COG3: variants seen among roughly 807,000 people sequenced by gnomAD.
COG3 encodes component of oligomeric golgi complex 3.
In COG3, 32 loss-of-function variants were observed where a neutral mutation model predicts 114.1. The observed-to-expected ratio is 0.28, with a 90% CI of 0.21 to 0.38. COG3 has a LOEUF of 0.38. COG3 is among the 10% of genes least tolerant of loss of function. The pLI is 1.00. For synonymous variants in COG3, 352 were observed against 365.7 expected (o/e 0.96, Z 0.43); for missense variants, 813 against 973.2 (o/e 0.84, Z 2.19).
chr13:45,517,584 A>T (rs1011880762), intron 17 of COG3, among the ~76,000 whole-genome samples: 1 of 150,370 alleles, frequency 6.7e-6, no homozygotes, highest in African/African-American at 2.5e-5. Context: ...TAGGAGCCAG[A>T]TACCCTGGCT....
At chr13:45,531,859 G>A (rs1041364337) in intron 22 of COG3, among the ~76,000 whole-genome samples, 19 of 152,200 alleles carry the variant, frequency 1.2e-4, no homozygotes, top group Middle Eastern at 3.4e-3. Context: ...GGTGGTAGCC[G>A]GAGGGAGAAA....
intron 19 of COG3, among the ~76,000 whole-genome samples, chr13:45,521,012 A>G (rs1872071547): frequency 6.6e-6 from 1 of 152,232 alleles, no homozygotes; most frequent in African/African-American, 2.4e-5. Flanking sequence ...TTGTTCTAGA[A>G]CAGCACAGTT....
Position 45,509,794 on chromosome 13 carries a change from C to G in COG3, c.1697C>G (p.Ser566Cys). 1 of 1,613,340 alleles carries G rather than the reference C, an allele frequency of 6.2e-7. No individual in the cohort carries two copies. The part of the protein sequence containing the change: ...PTVRRTLVCL[S>C]KLYRCIDRAV... Reference sequence around the variant, plus strand: ...GTTCGAAGAACTCTTGTCTGTCTCTCCAAATTATACAGATGCATAGATGTA... The same window carrying G: ...GTTCGAAGAACTCTTGTCTGTCTCTGCAAATTATACAGATGCATAGATGTA... Residue 566 changes from serine to cysteine, a missense_variant, in exon 15 of 23, where the codon TCC (serine) becomes TGC (cysteine). Around this residue, in one of 2 missense-constraint regions of COG3, gnomAD observed 389 missense variants for 542.6 expected, o/e 0.72. Coordinates refer to ENST00000349995, the MANE Select transcript of COG3 (RefSeq NM_031431.4).
intron 1 of COG3, among the ~76,000 whole-genome samples, chr13:45,469,952 A>C (rs1004021909): frequency 2.0e-5 from 3 of 152,180 alleles, no homozygotes; most frequent in African/African-American, 7.2e-5. Flanking sequence ...CTCAAATTAT[A>C]AACATTGGTA....
At chr13:45,488,316 T>C (rs1566249859) in intron 8 of COG3, among the ~76,000 whole-genome samples, 1 of 152,042 alleles carries the variant, frequency 6.6e-6, no homozygotes, top group Non-Finnish European at 1.5e-5. Flanking sequence ...AGTAGTGTAG[T>C]AGGATGACTG....
intron 7 of COG3, among the ~76,000 whole-genome samples, chr13:45,486,184 G>A (rs940059309): frequency 6.9e-5 from 10 of 144,640 alleles, no homozygotes; most frequent in Admixed American, 1.3e-4. Flanking sequence ...GCCTGCAATC[G>A]CAGGCATTCG....
intron 16 of COG3, 112 bp downstream of exon 16, chr13:45,511,966 C>A: frequency 1.3e-6 from 1 of 777,262 alleles, no homozygotes; most frequent in Non-Finnish European, 2.2e-6. Flanking sequence ...ATTTGTTTAA[C>A]ATGATTGAAT....
chr13:45,519,598 A>C (rs1232211519), intron 19 of COG3, among the ~76,000 whole-genome samples: 1 of 152,254 alleles, frequency 6.6e-6, no homozygotes, highest in African/African-American at 2.4e-5. Flanking sequence ...ATGTACAGTC[A>C]GTCCTCCTTC....
At chr13:45,496,087 T>G in intron 12 of COG3, 65 bp from the exon 13 acceptor site, 1 of 1,500,074 alleles carries the variant, frequency 6.7e-7, no homozygotes, top group Non-Finnish European at 9.1e-7. Context: ...AGTAACATCT[T>G]TGCTTGTTTA....
intron 20 of COG3, among the ~76,000 whole-genome samples, chr13:45,526,951 G>T (rs1480064702): frequency 1.3e-5 from 2 of 152,112 alleles, no homozygotes; most frequent in Non-Finnish European, 2.9e-5. Context: ...TTGACTCAAG[G>T]TTCCAATTGC....
Position 45,464,975 on chromosome 13 carries a change from C to T in COG3, c.-62C>T, listed in dbSNP as rs1458807802. 4.6e-6 allele frequency: 7 copies of T among 1,516,756 alleles called. No homozygotes were observed. Among genetic ancestry groups the T allele is most frequent in the Non-Finnish European group, 4.4e-6 (5 of 1,135,482 alleles). 94.0% of individuals were successfully genotyped at this position (1,516,756 alleles called of 1,614,324 possible). A position where few individuals can be genotyped will look rare whatever the true frequency, so the allele number is the denominator to read the frequency against. On this transcript the variant is annotated 5_prime_UTR_variant, in exon 1 of 23. Transcript: ENST00000349995. The stretch of plus-strand genomic sequence containing the variant: ...AGCTCCGGTTCTCCCGGAAGTGGCC[C>T]AGGTCTCTCTGTCGGGGTCCCCTCC...
chr13:45,534,276 A>G (rs1429555234), intron 22 of COG3, among the ~76,000 whole-genome samples: 2 of 152,202 alleles, frequency 1.3e-5, no homozygotes, highest in East Asian at 1.9e-4. Context: ...CAGTGTTTGT[A>G]TATAGTTTTT....
chr13:45,488,623 G>A (rs1399414985), intron 8 of COG3, among the ~76,000 whole-genome samples: 1 of 151,954 alleles, frequency 6.6e-6, no homozygotes, highest in Non-Finnish European at 1.5e-5. Flanking sequence ...GAGATTAGGG[G>A]GTGAATTAAT....
chr13:45,525,456 AT>A (rs1872570722), intron 20 of COG3, among the ~76,000 whole-genome samples: 1 of 152,016 alleles, frequency 6.6e-6, no homozygotes, highest in African/African-American at 2.4e-5. Context: ...TTTGTTCCAC[AT>A]TTTGTCCAAG....
chr13:45,491,725 C>T (rs535475050), intron 10 of COG3, among the ~76,000 whole-genome samples, 187 bp downstream of exon 10: 1 of 152,146 alleles, frequency 6.6e-6, no homozygotes, highest in South Asian at 2.1e-4. Flanking sequence ...TCATTTTTTA[C>T]TTATTTTTTG....
At chr13:45,496,921 C>T (rs1237507275) in intron 13 of COG3, among the ~76,000 whole-genome samples, 2 of 152,306 alleles carry the variant, frequency 1.3e-5, no homozygotes, top group East Asian at 3.9e-4. Context: ...GATCCGCCCG[C>T]CTCGGCCTCC....
Position 45,534,991 on chromosome 13 carries a change from A to G in COG3, c.*260A>G. ...CGTTTAAATGGTCACAAGAAATGTG[A>G]AGAGAGAGCTAGGGCAGACATGCAG... On this transcript the variant is annotated 3_prime_UTR_variant, in exon 23 of 23. Coordinates refer to ENST00000349995, the MANE Select transcript of COG3 (RefSeq NM_031431.4). The G allele has an allele frequency of 8.2e-7, 1 of 1,219,128 alleles. No homozygotes were observed. The highest frequency in any genetic ancestry group is 1.0e-6 in the Non-Finnish European group (1 of 980,560). The allele number at this position is 1,219,128 out of a possible 1,614,324, so 75.5% of individuals were successfully genotyped here. A position where few individuals can be genotyped will look rare whatever the true frequency, so the allele number is the denominator to read the frequency against.
At chr13:45,533,457 C>T (rs1321741587) in intron 22 of COG3, among the ~76,000 whole-genome samples, 1 of 152,100 alleles carries the variant, frequency 6.6e-6, no homozygotes, top group Non-Finnish European at 1.5e-5. Flanking sequence ...CCTGAAGCCC[C>T]GCTTTTAAAT....
At chr13:45,520,080 C>T (rs1871956870) in intron 19 of COG3, among the ~76,000 whole-genome samples, 1 of 152,044 alleles carries the variant, frequency 6.6e-6, no homozygotes, top group South Asian at 2.1e-4. Flanking sequence ...CAGAGTTTGA[C>T]ACTGGTTAAC....
Sources: gnomAD v4.1 joint callset for allele counts (sites outside exome capture counted in the v4.1 genomes callset) on GRCh38, gnomAD v4.1.1 for gene constraint, gnomAD v4.1.1 regional missense constraint, MANE v1.5 for transcripts, NCBI Gene and HGNC (gene_info 2026-07-23, HGNC 2026-07-21) for gene names.